The following ADAM28 variants were observed in gnomAD, a reference collection of about 807,000 sequenced individuals.
ADAM28 encodes ADAM metallopeptidase domain 28, also known as disintegrin and metalloproteinase domain-containing protein 28.
Under a neutral mutation model 101.2 loss-of-function variants are expected in ADAM28, and 105 were observed. The ratio of observed to expected loss-of-function variants is 1.04; its 90% confidence interval spans 0.89 to 1.22. ADAM28 has a LOEUF of 1.22. Ranked by LOEUF, ADAM28 falls within the 50% of genes most tolerant of loss-of-function variation. ADAM28 has a pLI of 0.00. For missense variants in ADAM28, 1,028 were observed against 945.4 expected, an observed-to-expected ratio of 1.09 and a Z score of -1.15; for synonymous variants, 322 against 310.6, an observed-to-expected ratio of 1.04 and a Z score of -0.39.
chr8:24,298,062 T>A (rs969908496), intron 1 of ADAM28, among the ~76,000 whole-genome samples: 3 of 152,194 alleles, frequency 2.0e-5, no homozygotes, highest in African/African-American at 4.8e-5. Flanking sequence ...ATCCTAATGA[T>A]CACTGACTCT....
intron 13 of ADAM28, among the ~76,000 whole-genome samples, chr8:24,333,321 G>A (rs1189123516): frequency 1.3e-5 from 2 of 152,074 alleles, no homozygotes; most frequent in African/African-American, 4.8e-5. Context: ...GATTTTAAGT[G>A]TTCTCACCAC....
At position 24,357,785 on chromosome 8, in the gene ADAM28, A is replaced by G. The variant is rs1168202236; in HGVS notation, c.*3381A>G. 1 of 150,452 alleles carries G rather than the reference A, an allele frequency of 6.6e-6. No individual in the cohort carries two copies. Among genetic ancestry groups the G allele is most frequent in the African/African-American group, 2.4e-5 (1 of 40,860 alleles). The allele number at this position is 150,452 out of a possible 1,614,324, so 9.3% of individuals were successfully genotyped here. Reference sequence around the variant, plus strand: ...CTTTTTTTCCTTTCTTTGTGTCTCTAGTCTCTTCCATTTGTTCTCCCTTCT... The same window carrying G: ...CTTTTTTTCCTTTCTTTGTGTCTCTGGTCTCTTCCATTTGTTCTCCCTTCT... On this transcript the variant is annotated 3_prime_UTR_variant, in exon 23 of 23. Transcript: ENST00000265769.
At chr8:24,338,942 T>C (rs772497273) in intron 14 of ADAM28, among the ~76,000 whole-genome samples, 24 of 152,156 alleles carry the variant, frequency 1.6e-4, no homozygotes, top group Non-Finnish European at 2.6e-4. Flanking sequence ...AACAGCTCTT[T>C]GAGGTAGGTA....
chr8:24,351,814 G>GGAAATACTTCTATGGAATACGCCA (rs1353739990), intron 20 of ADAM28, among the ~76,000 whole-genome samples, 173 bp from the exon 21 acceptor site: 4 of 37,784 alleles, frequency 1.1e-4, no homozygotes, highest in Non-Finnish European at 2.7e-4. Flanking sequence ...TACAGCTCTG[G>GGAAATACTTCTATGGAATACGCCA]GAAATACTTC....
At chr8:24,308,059 A>G (rs546665622) in intron 2 of ADAM28, among the ~76,000 whole-genome samples, 1 of 152,290 alleles carries the variant, frequency 6.6e-6, no homozygotes, top group African/African-American at 2.4e-5. Flanking sequence ...GGCTTTCCCA[A>G]TCCACCCACT....
At position 24,343,533 on chromosome 8, in the gene ADAM28, T is replaced by A. The variant is rs145025491; in HGVS notation, c.1939T>A (p.Cys647Ser). ...AVCDHELQCQCEEGWIPPDCD... is the reference protein window; with the variant it reads ...AVCDHELQCQSEEGWIPPDCD... ...GTGTGACCATGAGCTCCAGTGTCAA[T>A]GTGAGGAAGGATGGATCCCTCCCGA... The change falls in exon 18 of 23, where the codon TGT becomes AGT. Residue 647 changes from cysteine to serine, a missense_variant. Physicochemically the swap from Cys to Ser is moderately radical, Grantham distance 112 (BLOSUM62 -1). Transcript: ENST00000265769. The A allele has an allele frequency of 1.1e-4, 183 of 1,613,648 alleles. No individual in the cohort carries two copies. The highest frequency in any genetic ancestry group is 1.5e-4 in the Non-Finnish European group (177 of 1,179,786).
intron 2 of ADAM28, chr8:24,300,779 C>T (rs1332292014): frequency 2.0e-5 from 3 of 152,164 alleles, no homozygotes; most frequent in Non-Finnish European, 1.5e-5. Context: ...TGCTATCTCT[C>T]TATCTATCCA....
intron 21 of ADAM28, among the ~76,000 whole-genome samples, chr8:24,353,561 G>A (rs1428475202): frequency 6.6e-6 from 1 of 152,090 alleles, no homozygotes; most frequent in Non-Finnish European, 1.5e-5. Flanking sequence ...AATATGGTGA[G>A]GAGAAAGTCA....
chr8:24,314,553 G>A (rs1308293529), intron 6 of ADAM28, among the ~76,000 whole-genome samples: 2 of 151,960 alleles, frequency 1.3e-5, no homozygotes, highest in Non-Finnish European at 1.5e-5. Flanking sequence ...TGTGAGCAAA[G>A]GGTATAATTG....
At position 24,302,827 on chromosome 8, in the gene ADAM28, T is replaced by C. The variant is rs1057466402; in HGVS notation, c.150+2750T>C. Among the ~76,000 whole-genome samples the C allele has an allele frequency of 7.9e-5, 12 of 152,182 alleles. 1 individual carries two copies. The highest frequency in any genetic ancestry group is 2.2e-4 in the African/African-American group (9 of 41,540). On this transcript the variant is annotated intron_variant, in intron 2 of 22. Transcript: ENST00000265769. The stretch of plus-strand genomic sequence containing the variant: ...GGTACATGTGCACAACGTGCAGGTT[T>C]GTTACATATATATACATGTGCCATG...
In ADAM28 at chr8:24,354,579, C is replaced by CT. The variant is rs1816548824; in HGVS notation, c.*175_*176insT. On this transcript the variant is annotated 3_prime_UTR_variant, in exon 23 of 23. Transcript: ENST00000265769. ...GACTAAAGAAAATTTTCAAGAGGAACATATGCCTGAGAACCTTTGCATGAA... is the reference window on the plus strand; with the variant it reads ...GACTAAAGAAAATTTTCAAGAGGAACTATATGCCTGAGAACCTTTGCATGAA... The CT allele has an allele frequency of 6.8e-6, 4 of 591,372 alleles. No homozygotes were observed. Among genetic ancestry groups the CT allele is most frequent in the Non-Finnish European group, 1.1e-5 (4 of 358,138 alleles). The allele number at this position is 591,372 out of a possible 1,614,324, so 36.6% of individuals were successfully genotyped here.
At position 24,302,944 on chromosome 8, in the gene ADAM28, A is replaced by C. The variant is rs557667712; in HGVS notation, c.150+2867A>C. Among the ~76,000 whole-genome samples, 8 of 120,930 alleles carry C rather than the reference A, an allele frequency of 6.6e-5. 1 individual carries two copies. Among genetic ancestry groups the C allele is most frequent in the African/African-American group, 2.5e-4 (8 of 31,840 alleles). The allele number at this position is 120,930 out of a possible 152,430, so 79.3% of individuals were successfully genotyped here. A position where few individuals can be genotyped will look rare whatever the true frequency, so the allele number is the denominator to read the frequency against. The stretch of plus-strand genomic sequence containing the variant: ...CTCCCCCCTCCCCACAACAAGCCAC[A>C]GTGTGTGATGTTCCCCATCCTGTGT... On this transcript the variant is annotated intron_variant, in intron 2 of 22. Transcript: ENST00000265769.
intron 12 of ADAM28, among the ~76,000 whole-genome samples, chr8:24,332,120 T>C (rs1813434548): frequency 6.6e-6 from 1 of 152,220 alleles, no homozygotes; most frequent in Non-Finnish European, 1.5e-5. Context: ...TCTAGACAGC[T>C]GCAGGGGAAC....
At chr8:24,302,231 G>A (rs1272073205) in intron 2 of ADAM28, among the ~76,000 whole-genome samples, 1 of 152,130 alleles carries the variant, frequency 6.6e-6, no homozygotes. Flanking sequence ...GTGGATAACG[G>A]CTTCCAGCTC....
At chr8:24,340,478 T>C (rs553682622) in intron 15 of ADAM28, among the ~76,000 whole-genome samples, 1 of 152,240 alleles carries the variant, frequency 6.6e-6, no homozygotes, top group East Asian at 1.9e-4. Context: ...GGAAGGGCAA[T>C]TGTAGGTGGT....
intron 13 of ADAM28, 25 bp from the exon 14 acceptor site, chr8:24,335,421 G>A: frequency 3.2e-6 from 5 of 1,576,930 alleles, no homozygotes; most frequent in South Asian, 1.2e-5. Flanking sequence ...AGAATAAAAA[G>A]CCTTCTATTT....
intron 6 of ADAM28, among the ~76,000 whole-genome samples, chr8:24,315,399 A>C (rs970372699): frequency 2.0e-5 from 3 of 152,004 alleles, no homozygotes; most frequent in African/African-American, 7.2e-5. Context: ...TTTGTCAATA[A>C]ATTTGATAGC....
intron 2 of ADAM28, among the ~76,000 whole-genome samples, chr8:24,306,361 T>TATATATATATATATATATATATTTAA (rs1809638746): frequency 6.9e-5 from 8 of 115,390 alleles, no homozygotes; most frequent in African/African-American, 2.9e-4. Context: ...AATAAATAAA[T>TATATATATATATATATATATATTTAA]AAATATATAT....
intron 22 of ADAM28, among the ~76,000 whole-genome samples, chr8:24,354,097 A>G (rs986462693): frequency 2.0e-5 from 3 of 151,908 alleles, no homozygotes; most frequent in African/African-American, 7.3e-5. Context: ...ATGAGAAGAA[A>G]CCTCCCATAG....
Sources: allele counts gnomAD v4.1 joint callset (sites outside exome capture counted in the v4.1 genomes callset), GRCh38; gene constraint gnomAD v4.1.1; transcripts MANE v1.5; gene names NCBI Gene and HGNC (gene_info 2026-07-23, HGNC 2026-07-21).